The following ASCC3 variants were observed in gnomAD, a reference collection of about 807,000 sequenced individuals.
ASCC3 encodes activating signal cointegrator 1 complex subunit 3.
In ASCC3, 158 loss-of-function variants were observed where a neutral mutation model predicts 256.3. The observed-to-expected ratio is 0.62, with a 90% CI of 0.54 to 0.70. The LOEUF (loss-of-function observed/expected upper bound fraction) is 0.70. ASCC3 is among the 30% of genes least tolerant of loss of function. The pLI is 0.00. For missense variants in ASCC3, 2,259 were observed against 2,626.0 expected, an observed-to-expected ratio of 0.86 and a Z score of 3.05; for synonymous variants, 948 against 883.4, an observed-to-expected ratio of 1.07 and a Z score of -1.30.
chr6:100,679,240 G>T (rs1471059829), intron 14 of ASCC3, among the ~76,000 whole-genome samples: 1 of 149,480 alleles, frequency 6.7e-6, no homozygotes, highest in Non-Finnish European at 1.5e-5. Flanking sequence ...TATTTAGGTT[G>T]TATCTGTCAA....
chr6:100,655,577 T>C, intron 17 of ASCC3, 122 bp downstream of exon 17: 1 of 1,135,594 alleles, frequency 8.8e-7, no homozygotes, highest in Non-Finnish European at 1.3e-6. Flanking sequence ...TTAAATCTCT[T>C]GTTTTTCTTC....
intron 10 of ASCC3, among the ~76,000 whole-genome samples, chr6:100,756,209 A>T (rs1386566804): frequency 1.3e-5 from 2 of 150,472 alleles, no homozygotes; most frequent in East Asian, 3.9e-4. Context: ...CAAATAATTA[A>T]AAAAAAAAAC....
chr6:100,627,465 A>G (rs1312124448), intron 29 of ASCC3, 125 bp downstream of exon 29: 7 of 1,251,896 alleles, frequency 5.6e-6, no homozygotes, highest in South Asian at 1.3e-5. Flanking sequence ...TGAGACAAAC[A>G]GTTTTAGATA....
chr6:100,555,264 G>A (rs1769511099), intron 36 of ASCC3, among the ~76,000 whole-genome samples: 1 of 152,016 alleles, frequency 6.6e-6, no homozygotes, highest in Non-Finnish European at 1.5e-5. Context: ...CATGTAAATG[G>A]TAAAAATATA....
chr6:100,587,085 A>G (rs1280872846), intron 36 of ASCC3, among the ~76,000 whole-genome samples: 1 of 150,108 alleles, frequency 6.7e-6, no homozygotes, highest in African/African-American at 2.4e-5. Flanking sequence ...TTATAATAAC[A>G]AAAGCAATGA....
chr6:100,579,139 G>A (rs1771047494), intron 36 of ASCC3, among the ~76,000 whole-genome samples: 1 of 148,652 alleles, frequency 6.7e-6, no homozygotes, highest in African/African-American at 2.5e-5. Context: ...CTTTTGAAAA[G>A]TATCTGTTCA....
chr6:100,622,233 G>T (rs1222668880), intron 30 of ASCC3, among the ~76,000 whole-genome samples: 7 of 151,984 alleles, frequency 4.6e-5, no homozygotes, highest in Non-Finnish European at 8.8e-5. Context: ...AAATCTCATC[G>T]TTAACTGTAA....
intron 10 of ASCC3, among the ~76,000 whole-genome samples, chr6:100,742,140 G>C (rs1334238275): frequency 6.6e-6 from 1 of 152,116 alleles, no homozygotes; most frequent in Non-Finnish European, 1.5e-5. Flanking sequence ...TGATTTGCTG[G>C]AGGTCTGCTC....
intron 30 of ASCC3, among the ~76,000 whole-genome samples, chr6:100,624,603 C>A (rs1367055171): frequency 1.3e-5 from 2 of 151,900 alleles, no homozygotes; most frequent in African/African-American, 4.8e-5. Flanking sequence ...TAAAAATATT[C>A]ACATTATTTG....
chr6:100,736,508 A>AG (rs1780177068), intron 10 of ASCC3, among the ~76,000 whole-genome samples: 1 of 152,122 alleles, frequency 6.6e-6, no homozygotes, highest in Non-Finnish European at 1.5e-5. Context: ...TTTCAAAAAA[A>AG]AAAAAGTTCC....
intron 30 of ASCC3, among the ~76,000 whole-genome samples, chr6:100,617,629 C>T (rs1306670008): frequency 6.6e-6 from 1 of 152,212 alleles, no homozygotes; most frequent in Non-Finnish European, 1.5e-5. Flanking sequence ...CTGCCAAGTT[C>T]ATCCAGGACC....
At chr6:100,858,534 A>G in intron 3 of ASCC3, 1 of 945,050 alleles carries the variant, frequency 1.1e-6, no homozygotes, top group Non-Finnish European at 1.3e-6. Flanking sequence ...AATGTTAGAT[A>G]TTCATAAAAT....
At chr6:100,563,889 A>T (rs1770086541) in intron 36 of ASCC3, among the ~76,000 whole-genome samples, 1 of 152,142 alleles carries the variant, frequency 6.6e-6, no homozygotes. Flanking sequence ...ATCATATGGT[A>T]GGTAATGTAC....
intron 27 of ASCC3, 115 bp from the exon 28 acceptor site, chr6:100,628,102 ACAAAAAAAAAG>A (rs1195506230): frequency 1.3e-3 from 1,363 of 1,070,632 alleles, no homozygotes; most frequent in Non-Finnish European, 1.7e-3. Context: ...AAAAAAAAAA[ACAAAAAAAAAG>A]CTAAAGCTAG....
chr6:100,516,053 A>G, intron 39 of ASCC3, 127 bp downstream of exon 39: 3 of 1,106,020 alleles, frequency 2.7e-6, no homozygotes, highest in Non-Finnish European at 4.2e-6. Context: ...TAATCATAGT[A>G]GTAAATGGCA....
chr6:100,825,350 GT>G (rs1026441470), intron 4 of ASCC3, among the ~76,000 whole-genome samples: 6 of 149,240 alleles, frequency 4.0e-5, no homozygotes, highest in Non-Finnish European at 7.4e-5. Flanking sequence ...TGCTACTCAA[GT>G]TTTTTTTCCC....
intron 13 of ASCC3, among the ~76,000 whole-genome samples, chr6:100,714,765 C>T (rs1264368951): frequency 6.6e-6 from 1 of 151,932 alleles, no homozygotes; most frequent in Non-Finnish European, 1.5e-5. Flanking sequence ...TTCCTAAAAA[C>T]AGAAAAAATG....
At chr6:100,567,495 G>A (rs1225243179) in intron 36 of ASCC3, among the ~76,000 whole-genome samples, 1 of 151,958 alleles carries the variant, frequency 6.6e-6, no homozygotes, top group Non-Finnish European at 1.5e-5. Context: ...CTGAGGTTTG[G>A]GTATGAATGA....
chr6:100,646,071 T>C (rs1169290868), intron 22 of ASCC3, among the ~76,000 whole-genome samples: 1 of 152,066 alleles, frequency 6.6e-6, no homozygotes, highest in East Asian at 1.9e-4. Flanking sequence ...AATCTTGAAT[T>C]TTTTGGAAGG....
Sources: gnomAD v4.1 joint callset for allele counts (sites outside exome capture counted in the v4.1 genomes callset) on GRCh38, gnomAD v4.1.1 for gene constraint, MANE v1.5 for transcripts, NCBI Gene and HGNC (gene_info 2026-07-23, HGNC 2026-07-21) for gene names.